RASSF3: variants seen among roughly 807,000 people sequenced by gnomAD.
RASSF3 encodes ras association domain-containing protein 3.
RASSF3 carries 19 observed loss-of-function variants against 19.9 expected under a neutral mutation model. The observed-to-expected ratio is 0.96, with a 90% CI of 0.67 to 1.40. RASSF3 has a LOEUF of 1.40. Among genes scored for constraint, RASSF3 ranks in the 40% most tolerant of loss-of-function variants. RASSF3 has a pLI of 0.00. For missense variants in RASSF3, 306 were observed against 289.8 expected, an observed-to-expected ratio of 1.06 and a Z score of -0.41; for synonymous variants, 110 against 104.2, an observed-to-expected ratio of 1.06 and a Z score of -0.34.
At chr12:64,541,773 T>A, downstream of RASSF3, 1 of 397,912 alleles carries the variant, frequency 2.5e-6, no homozygotes. Flanking sequence ...CCCCATAGAA[T>A]GGTCTTTTTA....
intron 2 of RASSF3, among the ~76,000 whole-genome samples, chr12:64,605,131 A>G (rs1870168362): frequency 6.6e-6 from 1 of 151,548 alleles, no homozygotes; most frequent in Non-Finnish European, 1.5e-5. Flanking sequence ...GATTGCAGGC[A>G]CCCACCACAT....
intron 2 of RASSF3, among the ~76,000 whole-genome samples, chr12:64,554,746 A>G (rs1035508357): frequency 1.3e-5 from 2 of 152,206 alleles, no homozygotes; most frequent in African/African-American, 2.4e-5. Context: ...ACATGTTTGA[A>G]ATTACTTTTG....
chr12:64,678,516 A>T (rs900901390), intron 1 of RASSF3, among the ~76,000 whole-genome samples: 1 of 152,142 alleles, frequency 6.6e-6, no homozygotes, highest in Non-Finnish European at 1.5e-5. Flanking sequence ...GTGTCATGCC[A>T]CTGGCATCAG....
At chr12:64,693,144 CTT>C (rs71434057) in intron 4 of RASSF3, among the ~76,000 whole-genome samples, 50 of 128,692 alleles carry the variant, frequency 3.9e-4, no homozygotes, top group Admixed American at 7.1e-4. Flanking sequence ...CCATGTTGCT[CTT>C]TTTTTTTTTT....
At chr12:64,576,716 TG>T (rs1259865760) in intron 2 of RASSF3, among the ~76,000 whole-genome samples, 1 of 151,934 alleles carries the variant, frequency 6.6e-6, no homozygotes, top group Non-Finnish European at 1.5e-5. Context: ...CAGGGTATGG[TG>T]GCACATGCCT....
intron 2 of RASSF3, among the ~76,000 whole-genome samples, chr12:64,546,795 T>C (rs1468808998): frequency 1.3e-5 from 2 of 152,200 alleles, no homozygotes; most frequent in Non-Finnish European, 2.9e-5. Flanking sequence ...AACCCAATTA[T>C]AATCCCCAGT....
intron 2 of RASSF3, among the ~76,000 whole-genome samples, chr12:64,596,212 T>C (rs1413128982): frequency 1.3e-5 from 2 of 152,214 alleles, no homozygotes; most frequent in African/African-American, 4.8e-5. Context: ...AAATGGACAT[T>C]TTCCCCTGTA....
chr12:64,526,536 G>A (rs527381038), intron 1 of RASSF3, among the ~76,000 whole-genome samples: 2 of 139,742 alleles, frequency 1.4e-5, no homozygotes, highest in African/African-American at 4.9e-5. Context: ...TTTAAAAAAT[G>A]AGTTGTTTTT....
chr12:64,654,376 G>A (rs1048876953), intron 1 of RASSF3: 8 of 151,852 alleles, frequency 5.3e-5, no homozygotes, highest in African/African-American at 1.7e-4. Flanking sequence ...ATGTTGTCCA[G>A]GCTGGTCTCG....
intron 1 of RASSF3, among the ~76,000 whole-genome samples, chr12:64,618,847 T>G (rs1360746588): frequency 6.6e-6 from 1 of 152,132 alleles, no homozygotes; most frequent in African/African-American, 2.4e-5. Flanking sequence ...GAAACGTGGC[T>G]AGTCTGATTG....
chr12:64,508,803 G>A (rs1398263178), intron 1 of RASSF3, among the ~76,000 whole-genome samples: 1 of 151,798 alleles, frequency 6.6e-6, no homozygotes, highest in Non-Finnish European at 1.5e-5. Flanking sequence ...AGAATTGCTC[G>A]AAAACCCAGG....
chr12:64,683,192 C>T (rs1873202013), intron 1 of RASSF3, among the ~76,000 whole-genome samples: 1 of 152,182 alleles, frequency 6.6e-6, no homozygotes, highest in Admixed American at 6.5e-5. Flanking sequence ...GATTAGCAGG[C>T]TTTCATTTGC....
intron 1 of RASSF3, among the ~76,000 whole-genome samples, chr12:64,660,461 A>G (rs991238428): frequency 1.3e-5 from 2 of 152,150 alleles, no homozygotes; most frequent in Non-Finnish European, 2.9e-5. Context: ...CCCAGTATTT[A>G]TGAGAAAGCT....
chr12:64,694,065 G>GT (rs754096699), intron 4 of RASSF3, among the ~76,000 whole-genome samples: 75 of 152,246 alleles, frequency 4.9e-4, no homozygotes, highest in Non-Finnish European at 9.7e-4. Flanking sequence ...GGGAGAATGC[G>GT]TGCCACTTGG....
chr12:64,587,240 A>C lies in RASSF3; in HGVS notation c.294+45535A>C, dbSNP rs563956341. 2.2e-4 allele frequency among the ~76,000 whole-genome samples: 33 copies of C among 151,936 alleles called. No homozygotes were observed. The South Asian group carries it at 6.3e-3, about 29-fold the overall frequency. On this transcript the variant is annotated intron_variant, in intron 2 of 5. Transcript: ENST00000637125. ...CGGCTAATTTTTGTATTTTTGAAAT[A>C]GAGACAGAGTTTCTCCATGTTGGTC...
intron 2 of RASSF3, among the ~76,000 whole-genome samples, chr12:64,553,686 A>G (rs1869203973): frequency 6.6e-6 from 1 of 152,124 alleles, no homozygotes; most frequent in African/African-American, 2.4e-5. Context: ...TAATTTAAGA[A>G]GTTGTCTGGA....
chr12:64,562,971 A>G (rs919270152), intron 2 of RASSF3, among the ~76,000 whole-genome samples: 4 of 151,936 alleles, frequency 2.6e-5, no homozygotes, highest in African/African-American at 9.7e-5. Flanking sequence ...ATCCATGAGC[A>G]AATTCAATTG....
chr12:64,581,795 TTTTTG>T (rs1347178380), intron 2 of RASSF3, among the ~76,000 whole-genome samples: 2 of 142,752 alleles, frequency 1.4e-5, no homozygotes, highest in Non-Finnish European at 2.9e-5. Context: ...TGACCTTTTT[TTTTTG>T]TTTTTCTTTT....
intron 1 of RASSF3, among the ~76,000 whole-genome samples, chr12:64,615,796 C>G (rs1287492287): frequency 6.6e-6 from 1 of 151,854 alleles, no homozygotes. Context: ...GCCTCAGCCT[C>G]CCGAGTAGCT....
Sources: gnomAD v4.1 joint callset for allele counts (sites outside exome capture counted in the v4.1 genomes callset) on GRCh38, gnomAD v4.1.1 for gene constraint, MANE v1.5 for transcripts, NCBI Gene and HGNC (gene_info 2026-07-23, HGNC 2026-07-21) for gene names.